Variants in RNF40 observed in about 807,000 individuals in gnomAD.
The protein encoded by RNF40 is ring finger protein 40.
Under a neutral mutation model 123.3 loss-of-function variants are expected in RNF40, and 39 were observed. The observed-to-expected ratio is 0.32, with a 90% CI of 0.24 to 0.41. The LOEUF is 0.41. Among genes scored for constraint, RNF40 ranks in the 10% least tolerant of loss-of-function variants. RNF40 has a pLI of 1.00. For synonymous variants in RNF40, 538 were observed against 526.0 expected (o/e 1.02, Z -0.31); for missense variants, 1,003 against 1,319.9 (o/e 0.76, Z 3.72).
chr16:30,761,624 G>A (rs531288450), upstream of RNF40: 1,048 of 1,536,098 alleles, frequency 6.8e-4, 1 homozygote, highest in Non-Finnish European at 8.3e-4. Context: ...ACTCGCACGC[G>A]TCCGCGCGGC....
chr16:30,762,521 C>G lies in RNF40; in HGVS notation c.-25C>G. On this transcript the variant is annotated 5_prime_UTR_variant, in exon 2 of 20. Transcript: ENST00000324685. ...CCCGTTTGACGCCCCTCAGGGGACC[C>G]TGCATCGCTCCAGCCGCCGCGGCCA... 1.3e-6 allele frequency: 2 copies of G among 1,575,158 alleles called. No homozygotes were observed. The highest frequency in any genetic ancestry group is 1.7e-6 in the Non-Finnish European group (2 of 1,171,282).
Position 30,772,147 on chromosome 16 carries a change from C to T in RNF40, c.2786C>T (p.Ala929Val), listed in dbSNP as rs1479467451. ...AAGCAGAGGAAGGTGGAGGTCTACG[C>T]AGATGCCGACGAAATCCTCCAGGAG... ...LEKQRKVEVYADADEILQEEI... is the reference protein window; with the variant it reads ...LEKQRKVEVYVDADEILQEEI... The change falls in exon 19 of 20, where the codon GCA (alanine) becomes GTA (valine). Residue 929 changes from alanine to valine, a missense_variant. Transcript: ENST00000324685. 1 of 1,553,856 alleles carries T rather than the reference C, an allele frequency of 6.4e-7. No individual in the cohort carries two copies. Among genetic ancestry groups the T allele is most frequent in the Non-Finnish European group, 8.7e-7 (1 of 1,148,190 alleles).
At position 30,768,582 on chromosome 16, in the gene RNF40, C is replaced by T; in HGVS notation, c.1980-37C>T. The T allele has an allele frequency of 6.2e-7, 1 of 1,613,976 alleles. No homozygotes were observed. Among genetic ancestry groups the T allele is most frequent in the East Asian group, 2.2e-5 (1 of 44,874 alleles). On this transcript the variant is annotated intron_variant, in intron 13 of 19. Coordinates refer to ENST00000324685, the MANE Select transcript of RNF40 (RefSeq NM_014771.4). The surrounding 1 kb of genome is among the most constrained non-coding windows in gnomAD (Gnocchi z 4.1). ...TGACCCTGCCAGGTGGCCTCCAGTC[C>T]CACTCACTAAGACTTCCTCCTGTAC...
At position 30,765,310 on chromosome 16, in the gene RNF40, G is replaced by T. The variant is rs1037561631; in HGVS notation, c.901G>T (p.Ala301Ser). ...KREQKLNKHLAEALEQLNSGY... is the reference protein window; with the variant it reads ...KREQKLNKHLSEALEQLNSGY... ...AGAGCAAAAGCTCAATAAGCACCTG[G>T]CAGAGGCCTTAGAGCAGGTGGGGCA... Residue 301 changes from alanine (A) to serine (S), a missense_variant, in exon 7 of 20, where the codon GCA becomes TCA. Coordinates refer to ENST00000324685, the MANE Select transcript of RNF40 (RefSeq NM_014771.4). The T allele has an allele frequency of 1.2e-6, 2 of 1,614,140 alleles. No individual in the cohort carries two copies. The highest frequency in any genetic ancestry group is 2.7e-5 in the African/African-American group (2 of 74,948).
At chr16:30,762,446 C>G in intron 1 of RNF40, 29 bp from the exon 2 acceptor site, 9 of 1,270,662 alleles carry the variant, frequency 7.1e-6, no homozygotes, top group Non-Finnish European at 9.5e-6. Context: ...ACCAGCCGTT[C>G]CCACATCTCT....
In RNF40 at chr16:30,768,766, C is replaced by T. The variant is rs1309452461; in HGVS notation, c.2097+30C>T. Reference sequence around the variant, plus strand: ...GGGCAGCTGGGGCTTGTGGGGCATTCAGAAAGGCAGAGCAGAGTCCTAGCT... The same window carrying T: ...GGGCAGCTGGGGCTTGTGGGGCATTTAGAAAGGCAGAGCAGAGTCCTAGCT... On this transcript the variant is annotated intron_variant, in intron 14 of 19. Transcript: ENST00000324685. This position sits in a 1 kb window ranked among gnomAD's most constrained non-coding sequence, Gnocchi z 4.1. 9 of 1,613,686 alleles carry T rather than the reference C, an allele frequency of 5.6e-6. No individual in the cohort carries two copies. Among genetic ancestry groups the T allele is most frequent in the African/African-American group, 1.3e-5 (1 of 74,942 alleles).
chr16:30,767,949 C>G lies in RNF40; in HGVS notation c.1485C>G (p.His495Gln). 2 of 1,614,184 alleles carry G rather than the reference C, an allele frequency of 1.2e-6. No homozygotes were observed. The highest frequency in any genetic ancestry group is 2.2e-5 in the South Asian group (2 of 91,082). ...HLISSLQNHN[H>Q]QLKGDAQRYK... ...TTAGTAGTCTTCAAAACCACAACCA[C>G]CAGCTAAAAGGGGACGCCCAGCGAT... is the stretch of plus-strand genomic sequence containing the variant. The change falls in exon 12 of 20, where the codon CAC (histidine) becomes CAG (glutamine). Residue 495 changes from histidine (H) to glutamine (Q), a missense_variant. His to Gln is a conservative substitution (Grantham distance 24). Around this residue, in one of 11 missense-constraint regions of RNF40, gnomAD observed 30 missense variants for 68.9 expected, o/e 0.44. Transcript: ENST00000324685.
chr16:30,767,224 A>C (rs1439730190), intron 11 of RNF40, among the ~76,000 whole-genome samples: 1 of 152,238 alleles, frequency 6.6e-6, no homozygotes, highest in Non-Finnish European at 1.5e-5. Context: ...CCAGTGAACA[A>C]AACAGAATTC....
In RNF40 at chr16:30,775,601, C is replaced by T. The variant is rs569369282; in HGVS notation, c.*1487C>T. 1.3e-5 allele frequency: 2 copies of T among 153,880 alleles called. No homozygotes were observed. The highest frequency in any genetic ancestry group is 6.4e-5 in the Admixed American group (1 of 15,604). 9.5% of individuals were successfully genotyped at this position (153,880 alleles called of 1,614,324 possible). Reference sequence around the variant, plus strand: ...CACTCGAATGCACAGATCGGGACACCTCAGCTGGGTGACTTCCCTCGTTGC... The same window carrying T: ...CACTCGAATGCACAGATCGGGACACTTCAGCTGGGTGACTTCCCTCGTTGC... On this transcript the variant is annotated 3_prime_UTR_variant, in exon 20 of 20. Transcript: ENST00000324685.
chr16:30,774,945 G>A lies in RNF40; in HGVS notation c.*831G>A, dbSNP rs2054207415. 2.2e-6 allele frequency: 1 copy of A among 456,366 alleles called. No individual in the cohort carries two copies. Among genetic ancestry groups the A allele is most frequent in the African/African-American group, 2.0e-5 (1 of 50,070 alleles). The allele number at this position is 456,366 out of a possible 1,614,324, so 28.3% of individuals were successfully genotyped here. ...GAACTTCCCAGGAGGGGAAGGGACA[G>A]ACCAGCCCCAGCCGCTGGGCCAACT... is the stretch of plus-strand genomic sequence containing the variant. On this transcript the variant is annotated 3_prime_UTR_variant, in exon 20 of 20. Transcript: ENST00000324685.
rs1373969758 is a variant in RNF40 at position 30,766,921 on chromosome 16, G to A, written c.1429+45G>A. 2.5e-6 allele frequency: 4 copies of A among 1,600,152 alleles called. No homozygotes were observed. The Admixed American group carries it at 5.1e-5, about 20-fold the overall frequency. ...CGGAGGTGGGGCCTTATCTGGGAGTGCTGGGCCCTGGTGTGGGGCTGCTGC... is the reference window on the plus strand; with the variant it reads ...CGGAGGTGGGGCCTTATCTGGGAGTACTGGGCCCTGGTGTGGGGCTGCTGC... On this transcript the variant is annotated intron_variant, in intron 11 of 19. Coordinates refer to ENST00000324685, the MANE Select transcript of RNF40 (RefSeq NM_014771.4). This position sits in a 1 kb window ranked among gnomAD's most constrained non-coding sequence, Gnocchi z 5.4.
rs2054228304 is a variant in RNF40, at chr16:30,775,958, G to A, written c.*1844G>A. ...CGGCGGGCACGCTGGTGGAAGCGCG[G>A]GCCGCGGCAGGGGAGGACATCGGGC... On this transcript the variant is annotated 3_prime_UTR_variant, in exon 20 of 20. Coordinates refer to ENST00000324685, the MANE Select transcript of RNF40 (RefSeq NM_014771.4). 1 of 152,424 alleles carries A rather than the reference G, an allele frequency of 6.6e-6. No individual in the cohort carries two copies. Among genetic ancestry groups the A allele is most frequent in the Admixed American group, 6.5e-5 (1 of 15,294 alleles). 9.4% of individuals were successfully genotyped at this position (152,424 alleles called of 1,614,324 possible). A position where few individuals can be genotyped will look rare whatever the true frequency, so the allele number is the denominator to read the frequency against.
chr16:30,762,572 C>T lies in RNF40; in HGVS notation c.27C>T (p.Ala9=), dbSNP rs772623898. The change falls in exon 2 of 20, where the codon GCC becomes GCT. Residue 9 remains alanine (A), a synonymous_variant. Coordinates refer to ENST00000324685, the MANE Select transcript of RNF40 (RefSeq NM_014771.4). ...TGTCTGGGCCAGGCAACAAACGCGC[C>T]GCCGGCGACGGGGGCTCAGGGCCCC... MSGPGNKR[A]AGDGGSGPPE... is the part of the protein sequence containing the mutation. The T allele has an allele frequency of 1.2e-6, 2 of 1,601,254 alleles. No individual in the cohort carries two copies. Among genetic ancestry groups the T allele is most frequent in the Non-Finnish European group, 8.5e-7 (1 of 1,177,322 alleles).
At chr16:30,767,643 TAAAA>T (rs535142227) in intron 11 of RNF40, 2 of 362,826 alleles carry the variant, frequency 5.5e-6, no homozygotes, top group African/African-American at 2.1e-5. Flanking sequence ...TGTTTCTATT[TAAAA>T]AAAAAACAAA....
intron 8 of RNF40, 83 bp downstream of exon 8, chr16:30,765,582 C>T (rs2054013362): frequency 1.6e-6 from 2 of 1,272,624 alleles, no homozygotes; most frequent in Admixed American, 1.9e-5. Context: ...AAAGGACAAA[C>T]ATCCATCTCT....
In RNF40 at chr16:30,775,276, G is replaced by C. The variant is rs1218083916; in HGVS notation, c.*1162G>C. 3.1e-6 allele frequency: 1 copy of C among 323,850 alleles called. No homozygotes were observed. Among genetic ancestry groups the C allele is most frequent in the Admixed American group, 4.6e-5 (1 of 21,966 alleles). 20.1% of individuals were successfully genotyped at this position (323,850 alleles called of 1,614,324 possible). A position where few individuals can be genotyped will look rare whatever the true frequency, so the allele number is the denominator to read the frequency against. On this transcript the variant is annotated 3_prime_UTR_variant, in exon 20 of 20. Coordinates refer to ENST00000324685, the MANE Select transcript of RNF40 (RefSeq NM_014771.4). Reference sequence around the variant, plus strand: ...GCAGCACTTTGCTGGCTTGGTGTGAGCCTGGGAGGGCTCAGACTTAACGGC... The same window carrying C: ...GCAGCACTTTGCTGGCTTGGTGTGACCCTGGGAGGGCTCAGACTTAACGGC...
chr16:30,771,688 G>A (rs1329210823), intron 17 of RNF40, 145 bp from the exon 18 acceptor site: 29 of 818,606 alleles, frequency 3.5e-5, no homozygotes, highest in Non-Finnish European at 5.2e-5. Context: ...AGAACAGGAG[G>A]GGAGGGCTTA....
upstream of RNF40, chr16:30,761,650 G>A: frequency 6.5e-7 from 1 of 1,535,968 alleles, no homozygotes; most frequent in Non-Finnish European, 8.7e-7. Flanking sequence ...CATGCACTGA[G>A]CTGCGATCCT....
intron 19 of RNF40, chr16:30,773,528 G>A (rs2054183323): frequency 6.2e-6 from 1 of 161,970 alleles, no homozygotes; most frequent in African/African-American, 2.4e-5. Flanking sequence ...CCAGTTGAGG[G>A]TAGAGAGAAC....
Sources: allele counts gnomAD v4.1 joint callset (sites outside exome capture counted in the v4.1 genomes callset), GRCh38; gene constraint gnomAD v4.1.1; regional missense constraint gnomAD v4.1.1; non-coding constraint Gnocchi (gnomAD v3.1); transcripts MANE v1.5; gene names NCBI Gene and HGNC (gene_info 2026-07-23, HGNC 2026-07-21).